ZNF202: variants seen among roughly 807,000 people sequenced by gnomAD.
ZNF202 encodes zinc finger protein 202.
ZNF202 carries 22 observed loss-of-function variants against 54.5 expected under a neutral mutation model. That is an observed-to-expected ratio of 0.40 (90% CI 0.29 to 0.58). The LOEUF is 0.58. Among genes scored for constraint, ZNF202 ranks in the 20% least tolerant of loss-of-function variants. The pLI, the probability that ZNF202 is intolerant of heterozygous loss-of-function variation, is 0.39. For synonymous variants in ZNF202, 294 were observed against 301.4 expected (o/e 0.98, Z 0.26); for missense variants, 644 against 805.5 (o/e 0.80, Z 2.43).
At chr11:123,737,852 T>C (rs2137372077) in intron 3 of ZNF202, among the ~76,000 whole-genome samples, 1 of 152,282 alleles carries the variant, frequency 6.6e-6, no homozygotes, top group South Asian at 2.1e-4. Context: ...GGGATGATTC[T>C]TTATCTAAAG....
intron 3 of ZNF202, among the ~76,000 whole-genome samples, chr11:123,734,875 A>T (rs1276480461): frequency 3.3e-5 from 5 of 152,230 alleles, no homozygotes; most frequent in African/African-American, 1.2e-4. Context: ...CATAGGGAAA[A>T]AAACATTTAT....
At chr11:123,727,018 G>A (rs1445588792) in intron 8 of ZNF202, 27 bp from the exon 9 acceptor site, 1 of 1,585,034 alleles carries the variant, frequency 6.3e-7, no homozygotes, top group African/African-American at 1.4e-5. Flanking sequence ...AGGAAAAAGG[G>A]GGTCACTGTA....
Position 123,725,199 on chromosome 11 carries a change from C to A in ZNF202, c.*798G>T, listed in dbSNP as rs767250075. ...TGTAGTAGAAGTGCTAGGGATGCAA[C>A]CAAGAGACTGGTTGAATAACGGGAA... On this transcript the variant is annotated 3_prime_UTR_variant, in exon 9 of 9. Coordinates refer to ENST00000530393, the MANE Select transcript of ZNF202 (RefSeq NM_003455.4). 7 of 152,104 alleles carry A rather than the reference C, an allele frequency of 4.6e-5. No homozygotes were observed. The highest frequency in any genetic ancestry group is 8.8e-5 in the Non-Finnish European group (6 of 68,026). 9.4% of individuals were successfully genotyped at this position (152,104 alleles called of 1,614,324 possible).
At chr11:123,729,286 CCCA>C (rs1861296617) in intron 5 of ZNF202, 72 bp from the exon 6 acceptor site, 1 of 1,462,394 alleles carries the variant, frequency 6.8e-7, no homozygotes, top group Non-Finnish European at 9.4e-7. Flanking sequence ...CTGGGCATCC[CCCA>C]CCATCTTTGG....
At chr11:123,737,271 A>ATT (rs1861671138) in intron 3 of ZNF202, among the ~76,000 whole-genome samples, 1 of 152,204 alleles carries the variant, frequency 6.6e-6, no homozygotes, top group African/African-American at 2.4e-5. Context: ...AACTTAACCT[A>ATT]GACAGCACAA....
intron 1 of ZNF202, among the ~76,000 whole-genome samples, 189 bp downstream of exon 1, chr11:123,741,360 G>A (rs1425471031): frequency 6.6e-6 from 1 of 152,094 alleles, no homozygotes; most frequent in African/African-American, 2.4e-5. Context: ...AGGAAACACA[G>A]AGACCACAAC....
Position 123,725,984 on chromosome 11 carries a change from C to T in ZNF202, c.*13G>A, listed in dbSNP as rs781271780. 1.2e-6 allele frequency: 2 copies of T among 1,600,972 alleles called. No individual in the cohort carries two copies. The highest frequency in any genetic ancestry group is 1.7e-5 in the Admixed American group (1 of 59,474). On this transcript the variant is annotated 3_prime_UTR_variant, in exon 9 of 9. Transcript: ENST00000530393. ...TGAGGGCTGAAAGCAGATCTCCTCACATGGGGACCTAGCTAGGAGGTCTTT... is the reference window on the plus strand; with the variant it reads ...TGAGGGCTGAAAGCAGATCTCCTCATATGGGGACCTAGCTAGGAGGTCTTT...
At chr11:123,727,417 G>C (rs1250548389) in intron 8 of ZNF202, 59 bp downstream of exon 8, 1 of 1,604,606 alleles carries the variant, frequency 6.2e-7, no homozygotes, top group African/African-American at 1.3e-5. Context: ...AGAGAGAGAA[G>C]CACTGCCTAG....
intron 3 of ZNF202, among the ~76,000 whole-genome samples, chr11:123,731,632 C>G (rs1202056549): frequency 6.6e-6 from 1 of 152,110 alleles, no homozygotes; most frequent in Non-Finnish European, 1.5e-5. Context: ...AGAGTGGGAC[C>G]ATAGGCAAGT....
Position 123,737,011 on chromosome 11 carries a change from G to A in ZNF202, c.-98+3106C>T, listed in dbSNP as rs781510831. 2.0e-5 allele frequency among the ~76,000 whole-genome samples: 3 copies of A among 151,970 alleles called. No homozygotes were observed. In the East Asian group the frequency reaches 5.8e-4, roughly 29 times the overall value. On this transcript the variant is annotated intron_variant, in intron 3 of 8. Coordinates refer to ENST00000530393, the MANE Select transcript of ZNF202 (RefSeq NM_003455.4). The stretch of plus-strand genomic sequence containing the variant: ...AACAGATGGCATAAGGAAAATCTTG[G>A]TCGGTCTATTGTTATATCAAAGAAA...
intron 3 of ZNF202, chr11:123,738,828 T>C (rs934120244): frequency 3.3e-5 from 5 of 152,234 alleles, no homozygotes; most frequent in African/African-American, 1.2e-4. Flanking sequence ...AAGGGTCCTT[T>C]AGCATTTGAG....
At chr11:123,738,835 T>G (rs1019562210) in intron 3 of ZNF202, 4 of 152,168 alleles carry the variant, frequency 2.6e-5, no homozygotes, top group African/African-American at 9.7e-5. Flanking sequence ...CTTTAGCATT[T>G]GAGGAGATGA....
At chr11:123,727,732 T>C in intron 7 of ZNF202, 137 bp from the exon 8 acceptor site, 2 of 1,228,592 alleles carry the variant, frequency 1.6e-6, no homozygotes, top group Non-Finnish European at 2.2e-6. Flanking sequence ...TCTCTTTAGT[T>C]TGTGTACTTT....
Position 123,729,139 on chromosome 11 carries a change from G to A in ZNF202, c.689C>T (p.Thr230Ile), listed in dbSNP as rs1216347101. ...SGDSEMVALL[T>I]ALSQGLVTFK... is the part of the protein sequence containing the mutation. ...ACTAGGGCACACCTGTGACAGAGCA[G>A]TAAGAAGAGCAACCATCTCTGAGTC... is the stretch of plus-strand genomic sequence containing the variant. The change falls in exon 6 of 9, where the codon ACT becomes ATT. Residue 230 changes from threonine (T) to isoleucine (I), a missense_variant. By Grantham distance (89) the Thr-to-Ile change is moderately conservative. This residue lies in a region of ZNF202 where 536 missense variants were observed against 635.3 expected (regional missense o/e 0.84). Transcript: ENST00000530393. The A allele has an allele frequency of 6.2e-7, 1 of 1,613,992 alleles. No individual in the cohort carries two copies. Among genetic ancestry groups the A allele is most frequent in the Non-Finnish European group, 8.5e-7 (1 of 1,180,012 alleles).
rs1400421075 is a variant in ZNF202 at position 123,734,543 on chromosome 11, G to C, written c.-97-3558C>G. 2.0e-5 allele frequency among the ~76,000 whole-genome samples: 3 copies of C among 152,124 alleles called. No homozygotes were observed. The South Asian group carries it at 6.2e-4, about 32-fold the overall frequency. ...ATCTTTCAGAGCTCAGTTTTTCCAA[G>C]ATGCCTTCCCTGGTCCTCCCAGATG... On this transcript the variant is annotated intron_variant, in intron 3 of 8. Transcript: ENST00000530393.
At position 123,730,049 on chromosome 11, in the gene ZNF202, C is replaced by T. The variant is rs555303264; in HGVS notation, c.403-224G>A. 1.2e-4 allele frequency among the ~76,000 whole-genome samples: 18 copies of T among 152,226 alleles called. No homozygotes were observed. The highest frequency in any genetic ancestry group is 4.1e-4 in the African/African-American group (17 of 41,542). On this transcript the variant is annotated intron_variant, in intron 4 of 8. Transcript: ENST00000530393. The surrounding 1 kb of genome is among the most constrained non-coding windows in gnomAD (Gnocchi z 6.0). ...GGCCTGCACTGCTCTCTCACCACCCCCAGCCTGGGCCCCTGTCACCCAAGG... is the reference window on the plus strand; with the variant it reads ...GGCCTGCACTGCTCTCTCACCACCCTCAGCCTGGGCCCCTGTCACCCAAGG...
At position 123,727,470 on chromosome 11, in the gene ZNF202, C is replaced by T. The variant is rs1861203090; in HGVS notation, c.952+6G>A. On this transcript the variant is annotated splice_donor_region_variant and intron_variant, in intron 8 of 8. Coordinates refer to ENST00000530393, the MANE Select transcript of ZNF202 (RefSeq NM_003455.4). ...GGTGGGTAACACCGTTTTTGTCATTCCTCACCTGTGTAGGTAAAACTCAGG... is the reference window on the plus strand; with the variant it reads ...GGTGGGTAACACCGTTTTTGTCATTTCTCACCTGTGTAGGTAAAACTCAGG... 2 of 1,613,696 alleles carry T rather than the reference C, an allele frequency of 1.2e-6. No individual in the cohort carries two copies. The highest frequency in any genetic ancestry group is 1.1e-5 in the South Asian group (1 of 91,078).
In ZNF202 at chr11:123,725,722, A is replaced by C; in HGVS notation, c.*275T>G. 2.4e-6 allele frequency: 1 copy of C among 419,496 alleles called. No individual in the cohort carries two copies. The highest frequency in any genetic ancestry group is 4.3e-6 in the Non-Finnish European group (1 of 234,216). The allele number at this position is 419,496 out of a possible 1,614,324, so 26.0% of individuals were successfully genotyped here. A position where few individuals can be genotyped will look rare whatever the true frequency, so the allele number is the denominator to read the frequency against. On this transcript the variant is annotated 3_prime_UTR_variant, in exon 9 of 9. Transcript: ENST00000530393. ...ACCTCTTAAGTCTCTTAGTTCTCCT[A>C]CTTTATACCCATGAGGTAGAGGCAG... is the stretch of plus-strand genomic sequence containing the variant.
chr11:123,740,452 G>A lies in ZNF202; in HGVS notation c.-209C>T, dbSNP rs557497529. The A allele has an allele frequency of 2.0e-5, 3 of 152,394 alleles. No homozygotes were observed. The highest frequency in any genetic ancestry group is 7.2e-5 in the African/African-American group (3 of 41,586). The allele number at this position is 152,394 out of a possible 1,614,324, so 9.4% of individuals were successfully genotyped here. On this transcript the variant is annotated 5_prime_UTR_variant, in exon 2 of 9. Coordinates refer to ENST00000530393, the MANE Select transcript of ZNF202 (RefSeq NM_003455.4). ...TAGCTTCCTGGATCAAGCCCCACGG[G>A]GCAGCTTGGAAGAGAAGCTGGGAGG...
Sources: allele counts gnomAD v4.1 joint callset (sites outside exome capture counted in the v4.1 genomes callset), GRCh38; gene constraint gnomAD v4.1.1; regional missense constraint gnomAD v4.1.1; non-coding constraint Gnocchi (gnomAD v3.1); transcripts MANE v1.5; gene names NCBI Gene and HGNC (gene_info 2026-07-23, HGNC 2026-07-21).